Variants in RNF144A observed in about 807,000 individuals in gnomAD.
RNF144A encodes E3 ubiquitin-protein ligase RNF144A.
RNF144A carries 11 observed loss-of-function variants against 38.7 expected under a neutral mutation model. That is an observed-to-expected ratio of 0.28 (90% CI 0.18 to 0.47). The LOEUF (loss-of-function observed/expected upper bound fraction) is 0.47. RNF144A is among the 20% of genes least tolerant of loss of function. The probability of loss-of-function intolerance (pLI) is 0.99; values close to 1 mark genes in which losing one functional copy is unlikely to be tolerated. For synonymous variants in RNF144A, 149 were observed against 143.9 expected (o/e 1.04, Z -0.25); for missense variants, 316 against 377.2 (o/e 0.84, Z 1.34).
chr2:6,945,921 C>A (rs1033608015), intron 2 of RNF144A, among the ~76,000 whole-genome samples: 1 of 152,082 alleles, frequency 6.6e-6, no homozygotes, highest in Non-Finnish European at 1.5e-5. Context: ...TGGGGAGCCC[C>A]TTGGAGCCTG....
At chr2:7,016,784 T>G (rs1056053504) in intron 5 of RNF144A, among the ~76,000 whole-genome samples, 1 of 152,040 alleles carries the variant, frequency 6.6e-6, no homozygotes, top group Non-Finnish European at 1.5e-5. Flanking sequence ...TAAAATCTAG[T>G]CAAGTAGAGG....
At chr2:7,074,892 T>C in the RNF144A span, among the ~76,000 whole-genome samples, 1 of 152,200 alleles carries the variant, frequency 6.6e-6, no homozygotes, top group East Asian at 1.9e-4. Context: ...CGAGATGGGA[T>C]TGAGTGATCA....
chr2:7,019,807 C>G (rs1287955893), intron 5 of RNF144A, among the ~76,000 whole-genome samples: 2 of 152,166 alleles, frequency 1.3e-5, no homozygotes, highest in South Asian at 2.1e-4. Context: ...TGGCTAATTC[C>G]ATTAAATTGG....
intron 2 of RNF144A, among the ~76,000 whole-genome samples, chr2:6,988,553 C>G (rs903583377): frequency 1.3e-5 from 2 of 152,308 alleles, no homozygotes; most frequent in Non-Finnish European, 2.9e-5. Context: ...GAGGAAGACC[C>G]TAGAGGTGAA....
At chr2:6,959,903 C>T (rs564685897) in intron 2 of RNF144A, among the ~76,000 whole-genome samples, 4 of 152,162 alleles carry the variant, frequency 2.6e-5, no homozygotes, top group East Asian at 3.9e-4. Context: ...CCCTGGATTC[C>T]CCGGGACTTG....
intron 6 of RNF144A, among the ~76,000 whole-genome samples, chr2:7,058,330 G>C (rs1342677391): frequency 1.4e-5 from 2 of 142,134 alleles, no homozygotes; most frequent in Admixed American, 6.8e-5. Context: ...GAAGTGTATG[G>C]GGGAACTGAA....
chr2:7,022,685 A>T (rs1000438070), intron 6 of RNF144A, among the ~76,000 whole-genome samples: 1 of 152,276 alleles, frequency 6.6e-6, no homozygotes, highest in African/African-American at 2.4e-5. Context: ...CTAAAACCCA[A>T]CCTTGATCAC....
At position 7,040,641 on chromosome 2, in the gene RNF144A, G is replaced by A. The variant is rs1248586619; in HGVS notation, c.*881G>A. The A allele has an allele frequency of 2.0e-6, 2 of 985,352 alleles. No individual in the cohort carries two copies. Among genetic ancestry groups the A allele is most frequent in the Non-Finnish European group, 1.2e-6 (1 of 829,968 alleles). 61.0% of individuals were successfully genotyped at this position (985,352 alleles called of 1,614,324 possible). A position where few individuals can be genotyped will look rare whatever the true frequency, so the allele number is the denominator to read the frequency against. ...CAATCCCACTGCTTTGCTCGGCAAT[G>A]GTTCTCCTCCGAATTGCTGCCGTCT... On this transcript the variant is annotated 3_prime_UTR_variant, in exon 9 of 9. Transcript: ENST00000320892.
downstream of RNF144A, among the ~76,000 whole-genome samples, chr2:7,044,655 A>G (rs1673230406): frequency 6.6e-6 from 1 of 152,194 alleles, no homozygotes. Context: ...GATCCTTCTC[A>G]TTTCGTAGGA....
chr2:6,957,845 T>C (rs553024837), intron 2 of RNF144A, among the ~76,000 whole-genome samples: 1 of 152,364 alleles, frequency 6.6e-6, no homozygotes, highest in South Asian at 2.1e-4. Flanking sequence ...CTTAGCACTC[T>C]ATATTGCCTT....
intron 2 of RNF144A, among the ~76,000 whole-genome samples, chr2:6,968,661 A>G (rs1482603113): frequency 1.3e-5 from 2 of 151,840 alleles, no homozygotes; most frequent in African/African-American, 4.8e-5. Context: ...CTCCTACCAT[A>G]TAAAATAACA....
At chr2:7,014,041 T>A (rs2103418611) in intron 3 of RNF144A, among the ~76,000 whole-genome samples, 2 of 152,338 alleles carry the variant, frequency 1.3e-5, no homozygotes, top group Middle Eastern at 6.8e-3. Flanking sequence ...CATACCTTTC[T>A]TGTAAAAATG....
At chr2:6,970,409 G>A (rs1328405556) in intron 2 of RNF144A, among the ~76,000 whole-genome samples, 2 of 152,188 alleles carry the variant, frequency 1.3e-5, no homozygotes, top group Middle Eastern at 3.4e-3. Context: ...CCATGATTGC[G>A]AAGCCTCCCC....
intron 3 of RNF144A, among the ~76,000 whole-genome samples, chr2:7,006,679 C>A (rs1049203847): frequency 2.6e-5 from 4 of 152,174 alleles, no homozygotes; most frequent in Non-Finnish European, 5.9e-5. Context: ...GTCCTCTCTC[C>A]ATGGCCACCT....
At chr2:7,014,179 C>G (rs1670994308) in intron 3 of RNF144A, among the ~76,000 whole-genome samples, 1 of 152,236 alleles carries the variant, frequency 6.6e-6, no homozygotes, top group Non-Finnish European at 1.5e-5. Flanking sequence ...GAATTCTTGG[C>G]TCTTGTGTTT....
Position 7,039,974 on chromosome 2 carries a change from C to A in RNF144A, c.*214C>A. On this transcript the variant is annotated 3_prime_UTR_variant, in exon 9 of 9. Transcript: ENST00000320892. ...GGGGAGGGGAGGCAGGTGTGGGTAGCGCACATCCCCACAGATCAATCTCTG... is the reference window on the plus strand; with the variant it reads ...GGGGAGGGGAGGCAGGTGTGGGTAGAGCACATCCCCACAGATCAATCTCTG... The A allele has an allele frequency of 7.3e-7, 1 of 1,367,880 alleles. No individual in the cohort carries two copies. The highest frequency in any genetic ancestry group is 9.4e-7 in the Non-Finnish European group (1 of 1,058,890). The allele number at this position is 1,367,880 out of a possible 1,614,324, so 84.7% of individuals were successfully genotyped here. A position where few individuals can be genotyped will look rare whatever the true frequency, so the allele number is the denominator to read the frequency against.
At chr2:7,010,658 G>C (rs1450594832) in intron 3 of RNF144A, among the ~76,000 whole-genome samples, 1 of 152,184 alleles carries the variant, frequency 6.6e-6, no homozygotes, top group Non-Finnish European at 1.5e-5. Context: ...GGAAACCAAA[G>C]TGGAAAATGA....
At chr2:7,067,196 G>A (rs1674268980) in intron 6 of RNF144A, among the ~76,000 whole-genome samples, 1 of 152,162 alleles carries the variant, frequency 6.6e-6, no homozygotes, top group African/African-American at 2.4e-5. Flanking sequence ...CACTGGACTG[G>A]ATCCTGAATT....
chr2:7,029,947 G>A (rs1005066089), intron 7 of RNF144A, among the ~76,000 whole-genome samples, 179 bp from the exon 8 acceptor site: 9 of 152,246 alleles, frequency 5.9e-5, no homozygotes, highest in Non-Finnish European at 7.3e-5. Flanking sequence ...GGGGAGGAGC[G>A]GCCTGGGCCT....
Sources: allele counts gnomAD v4.1 joint callset (sites outside exome capture counted in the v4.1 genomes callset), GRCh38; gene constraint gnomAD v4.1.1; transcripts MANE v1.5; gene names NCBI Gene and HGNC (gene_info 2026-07-23, HGNC 2026-07-21).